Variants in TSPEAR observed in about 807,000 individuals in gnomAD.
TSPEAR encodes the protein thrombospondin-type laminin G domain and EAR repeat-containing protein.
TSPEAR carries 69 observed loss-of-function variants against 71.6 expected under a neutral mutation model. The observed-to-expected ratio is 0.96, with a 90% CI of 0.79 to 1.18. The LOEUF (loss-of-function observed/expected upper bound fraction) is 1.18. Among genes scored for constraint, TSPEAR ranks in the 50% most tolerant of loss-of-function variants. TSPEAR has a pLI of 0.00. For synonymous variants in TSPEAR, 402 were observed against 387.2 expected, an observed-to-expected ratio of 1.04 and a Z score of -0.45; for missense variants, 971 against 894.9, an observed-to-expected ratio of 1.09 and a Z score of -1.09.
intron 3 of TSPEAR, among the ~76,000 whole-genome samples, chr21:44,532,625 G>A (rs59426688): frequency 3.3e-5 from 5 of 152,158 alleles, no homozygotes; most frequent in Non-Finnish European, 7.4e-5. Context: ...AGTAATATTC[G>A]AAATAATTTA....
intron 7 of TSPEAR, 133 bp from the exon 8 acceptor site, chr21:44,525,972 A>G: frequency 1.2e-6 from 1 of 833,682 alleles, no homozygotes; most frequent in Non-Finnish European, 1.9e-6. Context: ...CAGAGGACCG[A>G]GGCCCCCGCA....
chr21:44,658,759 C>T (rs192647700), intron 1 of TSPEAR, among the ~76,000 whole-genome samples: 1 of 152,164 alleles, frequency 6.6e-6, no homozygotes, highest in East Asian at 1.9e-4. Context: ...CAGTGGAAAC[C>T]ACCATGAGGA....
chr21:44,573,627 C>T, intron 1 of TSPEAR: 1 of 1,464,976 alleles, frequency 6.8e-7, no homozygotes, highest in Non-Finnish European at 9.2e-7. Flanking sequence ...GGAGGGCTTG[C>T]TGAGCCTCCT....
chr21:44,676,662 G>A, intron 1 of TSPEAR: 2 of 770,022 alleles, frequency 2.6e-6, no homozygotes, highest in Non-Finnish European at 4.9e-6. Context: ...CATCTCACAA[G>A]TGATCAGTGT....
At chr21:44,547,885 C>A (rs1318433451) in intron 2 of TSPEAR, among the ~76,000 whole-genome samples, 1 of 152,166 alleles carries the variant, frequency 6.6e-6, no homozygotes, top group Non-Finnish European at 1.5e-5. Flanking sequence ...GAGAGCTTCT[C>A]AGGTCTTTTC....
chr21:44,680,682 T>C (rs782208414), intron 1 of TSPEAR, among the ~76,000 whole-genome samples: 9 of 152,212 alleles, frequency 5.9e-5, no homozygotes, highest in Non-Finnish European at 1.3e-4. Flanking sequence ...CTGTGGTATA[T>C]ATTTACAATG....
At chr21:44,701,817 G>A (rs933868660) in intron 1 of TSPEAR, among the ~76,000 whole-genome samples, 6 of 152,190 alleles carry the variant, frequency 3.9e-5, no homozygotes, top group Admixed American at 2.0e-4. Flanking sequence ...GGCCACGGCT[G>A]TAGTGGTCCC....
rs1981781838 is a variant in TSPEAR at position 44,612,624 on chromosome 21, G to T, written c.83-44619C>A. Reference sequence around the variant, plus strand: ...GTGCCCATCTGCTGCAAGCCCATCTGCTGTGTGCCTGTCTGCTCTGGGGCT... The same window carrying T: ...GTGCCCATCTGCTGCAAGCCCATCTTCTGTGTGCCTGTCTGCTCTGGGGCT... On this transcript the variant is annotated intron_variant, in intron 1 of 11. Transcript: ENST00000323084. This position sits in a 1 kb window ranked among gnomAD's most constrained non-coding sequence, Gnocchi z 4.1. The T allele has an allele frequency of 1.9e-6, 3 of 1,613,936 alleles. No individual in the cohort carries two copies. Among genetic ancestry groups the T allele is most frequent in the Middle Eastern group, 1.6e-4 (1 of 6,084 alleles).
intron 1 of TSPEAR, among the ~76,000 whole-genome samples, chr21:44,648,873 GT>G (rs1984599617): frequency 6.6e-6 from 1 of 152,256 alleles, no homozygotes; most frequent in South Asian, 2.1e-4. Context: ...AGCCCACGCG[GT>G]CAAGCTGCCG....
rs868940432 is a variant in TSPEAR at position 44,708,226 on chromosome 21, G to C, written c.82+3207C>G. Among the ~76,000 whole-genome samples the C allele has an allele frequency of 7.4e-4, 112 of 152,168 alleles. 1 individual carries two copies. Among genetic ancestry groups the C allele is most frequent in the African/African-American group, 2.5e-3 (102 of 41,514 alleles). On this transcript the variant is annotated intron_variant, in intron 1 of 11. Transcript: ENST00000323084. ...GGACTGCAGGCTCCTGGTCTGAGTG[G>C]GGAGCTGGGCCCCCTGGACAGAGGA... is the stretch of plus-strand genomic sequence containing the variant.
At position 44,558,510 on chromosome 21, in the gene TSPEAR, G is replaced by A. The variant is rs1555920383; in HGVS notation, c.303+9275C>T. ...GGGCGTGCAGGAGCTGGTGCAGCCT[G>A]ACTGGCAGGGGCTGGGCTCACAGGC... On this transcript the variant is annotated intron_variant, in intron 2 of 11. Coordinates refer to ENST00000323084, the MANE Select transcript of TSPEAR (RefSeq NM_144991.3). 1.9e-6 allele frequency: 3 copies of A among 1,613,888 alleles called. No homozygotes were observed. In the South Asian group the frequency reaches 3.3e-5, roughly 18 times the overall value.
intron 9 of TSPEAR, chr21:44,517,609 T>C: frequency 2.7e-6 from 1 of 375,646 alleles, no homozygotes; most frequent in Non-Finnish European, 5.3e-6. Flanking sequence ...CCCTTCCTGC[T>C]GCTTCCCACC....
At chr21:44,676,113 C>T in intron 1 of TSPEAR, 1 of 879,430 alleles carries the variant, frequency 1.1e-6, no homozygotes, top group Non-Finnish European at 2.0e-6. Context: ...CAGAGCTCTG[C>T]AGCTTCAGTT....
chr21:44,565,091 A>G (rs2053685265), intron 2 of TSPEAR, among the ~76,000 whole-genome samples: 1 of 152,182 alleles, frequency 6.6e-6, no homozygotes, highest in Non-Finnish European at 1.5e-5. Flanking sequence ...ATCAAGATGA[A>G]TAAAAATGAA....
At chr21:44,621,654 A>G (rs73907075) in intron 1 of TSPEAR, among the ~76,000 whole-genome samples, 7,997 of 152,326 alleles carry the variant, frequency 0.052, 682 homozygotes, top group African/African-American at 0.18. Flanking sequence ...AAATTATGGC[A>G]GCCTAATAAA....
chr21:44,641,717 G>C (rs1291017053), intron 1 of TSPEAR, among the ~76,000 whole-genome samples: 2 of 152,208 alleles, frequency 1.3e-5, no homozygotes, highest in Non-Finnish European at 2.9e-5. Flanking sequence ...AATAGTGCCA[G>C]GTTCTAGACA....
chr21:44,698,193 C>T (rs912847882), intron 1 of TSPEAR: 45 of 590,398 alleles, frequency 7.6e-5, no homozygotes, highest in Middle Eastern at 8.9e-4. Flanking sequence ...TGTGGTCTCG[C>T]CTCCTTGGAA....
At chr21:44,696,253 C>T (rs2838640) in intron 1 of TSPEAR, among the ~76,000 whole-genome samples, 110,486 of 152,068 alleles carry the variant, frequency 0.73, 40,450 homozygotes, top group Middle Eastern at 0.84. Context: ...CATGTCTAAA[C>T]CATGCTCCGC....
At position 44,601,192 on chromosome 21, in the gene TSPEAR, T is replaced by C. The variant is rs587615795; in HGVS notation, c.83-33187A>G. On this transcript the variant is annotated intron_variant, in intron 1 of 11. Coordinates refer to ENST00000323084, the MANE Select transcript of TSPEAR (RefSeq NM_144991.3). ...GTCCAGTCCCTGCTGCCAGGCGGTC[T>C]GTGAGCCCAGCCCCTGCCAATCAGG... The C allele has an allele frequency of 1.4e-5, 22 of 1,602,014 alleles. No individual in the cohort carries two copies. The African/African-American group carries it at 2.5e-4, about 18-fold the overall frequency.
Sources: gnomAD v4.1 joint callset for allele counts (sites outside exome capture counted in the v4.1 genomes callset) on GRCh38, gnomAD v4.1.1 for gene constraint, Gnocchi (gnomAD v3.1) non-coding constraint, MANE v1.5 for transcripts, NCBI Gene and HGNC (gene_info 2026-07-23, HGNC 2026-07-21) for gene names.